Variants in PCDH15 observed in about 807,000 individuals in gnomAD.
PCDH15 encodes protocadherin related 15, also known as protocadherin-15.
A neutral mutation model predicts 178.5 loss-of-function variants in PCDH15; 129 were observed. That is an observed-to-expected ratio of 0.72 (90% CI 0.63 to 0.84). The LOEUF (loss-of-function observed/expected upper bound fraction) is 0.84, where lower values mean the gene tolerates loss of function less well. Among genes scored for constraint, PCDH15 ranks in the 40% least tolerant of loss-of-function variants. The pLI is 0.00. For missense variants in PCDH15, 2,230 were observed against 2,099.9 expected, an observed-to-expected ratio of 1.06 and a Z score of -1.21; for synonymous variants, 800 against 732.0, an observed-to-expected ratio of 1.09 and a Z score of -1.50.
intron 16 of PCDH15, among the ~76,000 whole-genome samples, chr10:54,082,480 C>CATTCAAAAGGAAAGAAT (rs2094449566): frequency 6.6e-6 from 1 of 152,058 alleles, no homozygotes; most frequent in Non-Finnish European, 1.5e-5. Flanking sequence ...ATGCCAAGAC[C>CATTCAAAAGGAAAGAAT]ATTCAAAAGG....
chr10:54,918,415 A>C (rs375509136), intron 2 of PCDH15, among the ~76,000 whole-genome samples: 2 of 152,200 alleles, frequency 1.3e-5, no homozygotes, highest in East Asian at 3.8e-4. Flanking sequence ...CATTTAAAAA[A>C]ATACTGTTCC....
At chr10:54,377,039 T>C (rs937350650) in intron 4 of PCDH15, among the ~76,000 whole-genome samples, 9 of 151,996 alleles carry the variant, frequency 5.9e-5, no homozygotes, top group Admixed American at 2.6e-4. Context: ...TAAATATACA[T>C]TTGTTTGCAT....
At chr10:55,162,018 A>G (rs1485991769) in intron 2 of PCDH15, among the ~76,000 whole-genome samples, 1 of 152,186 alleles carries the variant, frequency 6.6e-6, no homozygotes, top group African/African-American at 2.4e-5. Flanking sequence ...ACCTTGTGCT[A>G]TAAACAAGTT....
upstream of PCDH15, among the ~76,000 whole-genome samples, chr10:55,323,833 T>C (rs1843964945): frequency 6.6e-6 from 1 of 152,156 alleles, no homozygotes; most frequent in Non-Finnish European, 1.5e-5. Context: ...ATGATTGGTC[T>C]TGAAATGTGA....
At chr10:54,882,246 T>C (rs1370009782) in intron 3 of PCDH15, among the ~76,000 whole-genome samples, 3 of 152,050 alleles carry the variant, frequency 2.0e-5, no homozygotes, top group Non-Finnish European at 2.9e-5. Context: ...AGTAAGCAAT[T>C]GTTTTCATCT....
chr10:53,951,593 A>T (rs2087054410), intron 23 of PCDH15, among the ~76,000 whole-genome samples: 1 of 152,224 alleles, frequency 6.6e-6, no homozygotes, highest in Non-Finnish European at 1.5e-5. Flanking sequence ...ATTTGTTACA[A>T]TTTGAGATTT....
At chr10:55,595,334 C>T (rs972536162) in intron 2 of PCDH15, among the ~76,000 whole-genome samples, 1 of 151,872 alleles carries the variant, frequency 6.6e-6, no homozygotes, top group African/African-American at 2.4e-5. Flanking sequence ...CAGCTTTATA[C>T]CACCAAAATG....
intron 6 of PCDH15, among the ~76,000 whole-genome samples, chr10:54,336,528 A>G (rs1308217589): frequency 6.6e-6 from 1 of 152,182 alleles, no homozygotes; most frequent in Non-Finnish European, 1.5e-5. Context: ...GACATAGCTC[A>G]GGCTGCGGCT....
At chr10:54,594,753 C>T (rs2092113594) in intron 2 of PCDH15, among the ~76,000 whole-genome samples, 2 of 152,206 alleles carry the variant, frequency 1.3e-5, no homozygotes, top group Non-Finnish European at 1.5e-5. Flanking sequence ...GCCACTATTG[C>T]TGGCTTGAGT....
intron 1 of PCDH15, among the ~76,000 whole-genome samples, chr10:54,780,159 C>T (rs967358812): frequency 6.6e-6 from 1 of 152,094 alleles, no homozygotes; most frequent in Non-Finnish European, 1.5e-5. Context: ...GTGTGAGGTG[C>T]CACACATAAG....
intron 8 of PCDH15, among the ~76,000 whole-genome samples, chr10:54,316,294 C>G (rs2061264065): frequency 6.6e-6 from 1 of 152,020 alleles, no homozygotes; most frequent in Admixed American, 6.6e-5. Context: ...AGCACTCTGG[C>G]TTTACATTTA....
In PCDH15 at chr10:54,801,003, C is replaced by T. The variant is rs1038293719; in HGVS notation, c.-107G>A. ...TTGCCAAGGCTGCCTCTTGCACATC[C>T]CTTTAAAAAGAACCAGTGCTCATAA... is the stretch of plus-strand genomic sequence containing the variant. On this transcript the variant is annotated 5_prime_UTR_variant, in exon 1 of 38. Transcript: ENST00000644397. 2.0e-5 allele frequency: 3 copies of T among 152,112 alleles called. No homozygotes were observed. Among genetic ancestry groups the T allele is most frequent in the African/African-American group, 7.2e-5 (3 of 41,408 alleles). The allele number at this position is 152,112 out of a possible 1,614,324, so 9.4% of individuals were successfully genotyped here. A position where few individuals can be genotyped will look rare whatever the true frequency, so the allele number is the denominator to read the frequency against.
chr10:54,974,683 C>A (rs1839022750), intron 2 of PCDH15, among the ~76,000 whole-genome samples: 1 of 152,004 alleles, frequency 6.6e-6, no homozygotes, highest in Non-Finnish European at 1.5e-5. Flanking sequence ...CATGAAAACC[C>A]TTCAGAGTTG....
At chr10:55,438,961 C>G (rs1293014294) in intron 2 of PCDH15, among the ~76,000 whole-genome samples, 1 of 151,698 alleles carries the variant, frequency 6.6e-6, no homozygotes, top group Non-Finnish European at 1.5e-5. Context: ...TGCAGTGGCA[C>G]GATCTCGGCT....
At chr10:54,757,313 C>T (rs1347856774) in intron 1 of PCDH15, among the ~76,000 whole-genome samples, 2 of 17,278 alleles carry the variant, frequency 1.2e-4, no homozygotes, top group East Asian at 1.2e-3. Context: ...GACGGAGTTT[C>T]GCTCTGTCGC....
At chr10:55,183,636 G>GT (rs1839712962) in intron 1 of PCDH15, among the ~76,000 whole-genome samples, 1 of 149,918 alleles carries the variant, frequency 6.7e-6, no homozygotes, top group African/African-American at 2.4e-5. Context: ...TGCTTACATT[G>GT]TTTTTTCAGA....
chr10:54,090,865 G>C (rs1228994386), intron 15 of PCDH15, among the ~76,000 whole-genome samples: 1 of 152,062 alleles, frequency 6.6e-6, no homozygotes, highest in Admixed American at 6.6e-5. Context: ...CTAAAACGAG[G>C]ACTATACAAC....
intron 2 of PCDH15, among the ~76,000 whole-genome samples, chr10:54,966,863 C>G (rs561902435): frequency 6.6e-6 from 1 of 152,106 alleles, no homozygotes; most frequent in South Asian, 2.1e-4. Flanking sequence ...TATAAATTAC[C>G]CAGCCTCAGG....
chr10:55,309,705 A>G (rs2132287220), intron 1 of PCDH15, among the ~76,000 whole-genome samples: 1 of 152,314 alleles, frequency 6.6e-6, no homozygotes, highest in Non-Finnish European at 1.5e-5. Flanking sequence ...CTATTGATTA[A>G]AAACAGATTA....
Sources: gnomAD v4.1 joint callset for allele counts (sites outside exome capture counted in the v4.1 genomes callset) on GRCh38, gnomAD v4.1.1 for gene constraint, MANE v1.5 for transcripts, NCBI Gene and HGNC (gene_info 2026-07-23, HGNC 2026-07-21) for gene names.